The following LRP1B variants were observed in gnomAD, a reference collection of about 807,000 sequenced individuals.
The protein encoded by LRP1B is LDL receptor related protein 1B, also known as low-density lipoprotein receptor-related protein 1B.
In LRP1B, 217 loss-of-function variants were observed where a neutral mutation model predicts 556.6. The ratio of observed to expected loss-of-function variants is 0.39; its 90% CI spans 0.35 to 0.44. The LOEUF is 0.44. Among genes scored for constraint, LRP1B ranks in the 20% least tolerant of loss-of-function variants. The pLI is 1.00. For synonymous variants in LRP1B, 2,047 were observed against 1,865.8 expected (o/e 1.10, Z -2.50); for missense variants, 5,053 against 5,620.8 (o/e 0.90, Z 3.23).
intron 3 of LRP1B, among the ~76,000 whole-genome samples, chr2:141,456,522 T>C (rs1435392014): frequency 1.3e-5 from 2 of 152,238 alleles, no homozygotes; most frequent in African/African-American, 4.8e-5. Flanking sequence ...TATATTTTCA[T>C]TTCTGAATTC....
chr2:141,590,069 T>C (rs1379500497), intron 2 of LRP1B, among the ~76,000 whole-genome samples: 1 of 152,164 alleles, frequency 6.6e-6, no homozygotes, highest in Non-Finnish European at 1.5e-5. Context: ...GGCTTATTCA[T>C]TACAACCTAT....
At chr2:141,797,375 A>G (rs1317901285) in intron 2 of LRP1B, among the ~76,000 whole-genome samples, 1 of 151,692 alleles carries the variant, frequency 6.6e-6, no homozygotes, top group Non-Finnish European at 1.5e-5. Context: ...TGAGGGAAAC[A>G]GAGTATTTGT....
chr2:141,211,295 C>CTT (rs142787085), intron 6 of LRP1B, among the ~76,000 whole-genome samples: 13 of 124,524 alleles, frequency 1.0e-4, no homozygotes, highest in Admixed American at 6.6e-4. Context: ...GCCCATTTTT[C>CTT]TTTTTTTTTA....
At chr2:141,286,499 C>A (rs1261846351) in intron 3 of LRP1B, among the ~76,000 whole-genome samples, 1 of 152,086 alleles carries the variant, frequency 6.6e-6, no homozygotes, top group African/African-American at 2.4e-5. Flanking sequence ...GATATATTTT[C>A]TTCCTCCCTT....
chr2:141,996,115 G>C (rs558506122), intron 1 of LRP1B, among the ~76,000 whole-genome samples: 2 of 152,038 alleles, frequency 1.3e-5, no homozygotes, highest in East Asian at 3.9e-4. Context: ...AGCTTGGCAT[G>C]GTGGCGGGCG....
intron 3 of LRP1B, among the ~76,000 whole-genome samples, chr2:141,365,751 C>G (rs1387645749): frequency 6.8e-6 from 1 of 147,056 alleles, no homozygotes; most frequent in African/African-American, 2.5e-5. Flanking sequence ...CGGCTACCTG[C>G]AAGATCCGCC....
intron 7 of LRP1B, among the ~76,000 whole-genome samples, chr2:141,078,547 C>T (rs1273774909): frequency 3.9e-5 from 6 of 152,056 alleles, no homozygotes; most frequent in African/African-American, 1.2e-4. Flanking sequence ...CTTGAACAGA[C>T]ATATAAAGCA....
chr2:141,457,519 G>T (rs1254718859), intron 3 of LRP1B, among the ~76,000 whole-genome samples: 3 of 152,086 alleles, frequency 2.0e-5, no homozygotes, highest in Admixed American at 2.0e-4. Context: ...GTTGATAGAT[G>T]CAGCAAATCA....
intron 66 of LRP1B, among the ~76,000 whole-genome samples, chr2:140,403,933 G>T (rs1347812074): frequency 6.6e-6 from 1 of 152,116 alleles, no homozygotes; most frequent in East Asian, 1.9e-4. Context: ...TCAGCAGAAT[G>T]CTTACAAACT....
intron 3 of LRP1B, among the ~76,000 whole-genome samples, chr2:141,429,322 A>T (rs1350472769): frequency 2.6e-5 from 4 of 152,150 alleles, no homozygotes; most frequent in African/African-American, 9.7e-5. Context: ...TTCTAATGGC[A>T]CTCCCAAGTA....
At chr2:140,786,773 G>A (rs1241178999) in intron 32 of LRP1B, among the ~76,000 whole-genome samples, 1 of 152,154 alleles carries the variant, frequency 6.6e-6, no homozygotes, top group Non-Finnish European at 1.5e-5. Context: ...GTCATGGAGA[G>A]CTGAAGGGGC....
chr2:141,601,116 T>C (rs2007582), intron 2 of LRP1B, among the ~76,000 whole-genome samples: 3,562 of 152,274 alleles, frequency 0.023, 140 homozygotes, highest in African/African-American at 0.082. Flanking sequence ...TGGCTCAACA[T>C]TGATCAGCTT....
At chr2:141,212,978 T>C (rs1682632330) in intron 6 of LRP1B, among the ~76,000 whole-genome samples, 1 of 152,182 alleles carries the variant, frequency 6.6e-6, no homozygotes, top group Non-Finnish European at 1.5e-5. Context: ...TCTATTCTTT[T>C]TGCTTTTTGA....
intron 66 of LRP1B, among the ~76,000 whole-genome samples, chr2:140,388,894 A>T (rs1683886344): frequency 6.6e-6 from 1 of 152,332 alleles, no homozygotes; most frequent in Non-Finnish European, 1.5e-5. Context: ...GGATCCAACC[A>T]TCAGTATTCA....
chr2:141,720,196 C>T (rs904272631), intron 2 of LRP1B, among the ~76,000 whole-genome samples: 10 of 151,928 alleles, frequency 6.6e-5, no homozygotes, highest in Non-Finnish European at 1.2e-4. Flanking sequence ...TTTAGCAAAC[C>T]CTGCTGGATT....
chr2:141,754,229 C>T (rs1694240789), intron 2 of LRP1B, among the ~76,000 whole-genome samples: 1 of 151,512 alleles, frequency 6.6e-6, no homozygotes, highest in Non-Finnish European at 1.5e-5. Context: ...TGACCTCTAA[C>T]ATTTCTACGG....
chr2:140,369,660 C>T (rs1682906326), intron 71 of LRP1B, among the ~76,000 whole-genome samples: 1 of 147,620 alleles, frequency 6.8e-6, no homozygotes, highest in African/African-American at 2.6e-5. Flanking sequence ...CTGCAAGGAG[C>T]TGTAAAAAAA....
At chr2:140,982,028 C>T (rs1285702788) in intron 18 of LRP1B, 132 bp downstream of exon 18, 4 of 633,712 alleles carry the variant, frequency 6.3e-6, no homozygotes, top group African/African-American at 1.8e-5. Context: ...AAGTTTGTAA[C>T]AAAAATGCCA....
chr2:140,562,615 G>GTTAT (rs573194978), intron 43 of LRP1B, among the ~76,000 whole-genome samples: 73 of 151,744 alleles, frequency 4.8e-4, no homozygotes, highest in African/African-American at 7.5e-4. Context: ...TTTCTTTTCT[G>GTTAT]TTATTTATTT....
Sources: gnomAD v4.1 joint callset for allele counts (sites outside exome capture counted in the v4.1 genomes callset) on GRCh38, gnomAD v4.1.1 for gene constraint, MANE v1.5 for transcripts, NCBI Gene and HGNC (gene_info 2026-07-23, HGNC 2026-07-21) for gene names.